The following DST variants were observed in gnomAD, a reference collection of about 807,000 sequenced individuals.
DST encodes bullous pemphigoid antigen.
In DST, 253 loss-of-function variants were observed where a neutral mutation model predicts 875.2. That is an observed-to-expected ratio of 0.29 (90% CI 0.26 to 0.32). The LOEUF (loss-of-function observed/expected upper bound fraction) is 0.32, where lower values mean the gene tolerates loss of function less well. DST is among the 10% of genes least tolerant of loss of function. The probability of loss-of-function intolerance (pLI) is 1.00; values close to 1 mark genes in which losing one functional copy is unlikely to be tolerated. For synonymous variants in DST, 3,124 were observed against 3,197.1 expected (o/e 0.98, Z 0.77); for missense variants, 8,287 against 9,111.6 (o/e 0.91, Z 3.68).
chr6:56,546,364 AT>A (rs1335919536), intron 61 of DST, among the ~76,000 whole-genome samples: 7 of 128,418 alleles, frequency 5.5e-5, no homozygotes, highest in African/African-American at 1.9e-4. Context: ...ATATATATAT[AT>A]ATATATATAT....
chr6:56,676,041 T>C (rs1448875639), intron 9 of DST, among the ~76,000 whole-genome samples: 1 of 151,928 alleles, frequency 6.6e-6, no homozygotes, highest in Non-Finnish European at 1.5e-5. Context: ...ATGGCTAGTC[T>C]CAAAAAAAAG....
In DST at chr6:56,672,448, T is replaced by TGCACATG. The variant is rs1291929197; in HGVS notation, c.1048-1648_1048-1642dup. 3.3e-5 allele frequency among the ~76,000 whole-genome samples: 5 copies of TGCACATG among 152,190 alleles called. No homozygotes were observed. The East Asian group carries it at 9.6e-4, about 29-fold the overall frequency. On this transcript the variant is annotated intron_variant, in intron 9 of 103. Coordinates refer to ENST00000680361, the MANE Select transcript of DST (RefSeq NM_001374736.1). ...AACTCCAGAGCATGGAAAAGAACTCTGCACATGAACACATCATATAGTACA... is the reference window on the plus strand; with the variant it reads ...AACTCCAGAGCATGGAAAAGAACTCTGCACATGGCACATGAACACATCATATAGTACA...
intron 4 of DST, among the ~76,000 whole-genome samples, chr6:56,807,603 T>G (rs890853168): frequency 2.6e-5 from 4 of 152,172 alleles, no homozygotes; most frequent in African/African-American, 9.7e-5. Context: ...GTCAACAGAT[T>G]CTTCCCAGAG....
In DST at chr6:56,569,937, T is replaced by C; in HGVS notation, c.13797A>G (p.Ile4599Met). Residue 4599 changes from isoleucine (I) to methionine (M), a missense_variant, in exon 54 of 104, where the codon ATA (isoleucine) becomes ATG (methionine). Around this residue, in one of 10 missense-constraint regions of DST, gnomAD observed 1,513 missense variants for 1,677.8 expected, o/e 0.90. Coordinates refer to ENST00000680361, the MANE Select transcript of DST (RefSeq NM_001374736.1). ...TGGGAACTTTTTTTGTTGTTTCTTT[T>C]ATCCATGACTTCAATGATTTAACAA... ...QVLVKSLKSW[I>M]KETTKKVPIV... is the part of the protein sequence containing the mutation. The C allele has an allele frequency of 6.8e-6, 11 of 1,610,886 alleles. No homozygotes were observed. Among genetic ancestry groups the C allele is most frequent in the Non-Finnish European group, 9.3e-6 (11 of 1,178,792 alleles).
intron 10 of DST, among the ~76,000 whole-genome samples, chr6:56,664,018 A>T (rs547731698): frequency 6.6e-6 from 1 of 152,060 alleles, no homozygotes; most frequent in East Asian, 1.9e-4. Flanking sequence ...AATGAATGAG[A>T]TAAATTAAAA....
In DST at chr6:56,749,556, T is replaced by A. The variant is rs988316956; in HGVS notation, c.626-14267A>T. Among the ~76,000 whole-genome samples, 5 of 152,300 alleles carry A rather than the reference T, an allele frequency of 3.3e-5. No individual in the cohort carries two copies. In the East Asian group the frequency reaches 9.6e-4, roughly 29 times the overall value. On this transcript the variant is annotated intron_variant, in intron 4 of 103. Transcript: ENST00000680361. ...CCTAATATTCATATAAGAAGTTCCATTTTTCATGAAAAAAAGTGATCTAGA... is the reference window on the plus strand; with the variant it reads ...CCTAATATTCATATAAGAAGTTCCAATTTTCATGAAAAAAAGTGATCTAGA...
intron 61 of DST, among the ~76,000 whole-genome samples, chr6:56,550,957 C>T (rs7760695): frequency 0.74 from 113,001 of 152,042 alleles, 42,164 homozygotes; most frequent in East Asian, 0.8. Flanking sequence ...ATCAGAAATA[C>T]AAAAATTTGA....
At chr6:56,553,956 C>A (rs563628139) in intron 60 of DST, among the ~76,000 whole-genome samples, 1 of 151,962 alleles carries the variant, frequency 6.6e-6, no homozygotes, top group East Asian at 1.9e-4. Flanking sequence ...TGCCACACAT[C>A]GCCTGCTGTG....
chr6:56,687,488 A>G (rs1204900737), intron 9 of DST, among the ~76,000 whole-genome samples: 1 of 152,178 alleles, frequency 6.6e-6, no homozygotes, highest in Non-Finnish European at 1.5e-5. Context: ...TAAAATGAGT[A>G]TAATAATAGA....
intron 68 of DST, among the ~76,000 whole-genome samples, chr6:56,527,123 G>A (rs142461376): frequency 2.4e-4 from 36 of 152,202 alleles, no homozygotes; most frequent in African/African-American, 8.2e-4. Context: ...AGTGTATTAC[G>A]TTTGTGATAT....
chr6:56,814,103 A>G (rs752494174), intron 4 of DST, among the ~76,000 whole-genome samples: 4 of 152,200 alleles, frequency 2.6e-5, no homozygotes, highest in Non-Finnish European at 5.9e-5. Flanking sequence ...ACAAGAAAGC[A>G]GTAATTGTGA....
chr6:56,886,012 C>A (rs34232358), intron 3 of DST, among the ~76,000 whole-genome samples: 21,528 of 152,110 alleles, frequency 0.14, 1,994 homozygotes, highest in Middle Eastern at 0.23. Flanking sequence ...TGTGGAGGAG[C>A]AGCATGGGCT....
At chr6:56,755,609 C>T (rs891688627) in intron 4 of DST, among the ~76,000 whole-genome samples, 1 of 152,010 alleles carries the variant, frequency 6.6e-6, no homozygotes, top group African/African-American at 2.4e-5. Flanking sequence ...ATCCCCTATT[C>T]TTGCTAAACA....
intron 4 of DST, among the ~76,000 whole-genome samples, chr6:56,794,353 C>T (rs1302955719): frequency 6.6e-6 from 1 of 152,166 alleles, no homozygotes; most frequent in African/African-American, 2.4e-5. Context: ...CTCCTGAAAA[C>T]ACATTACGTT....
In DST at chr6:56,789,751, G is replaced by A. The variant is rs549340767; in HGVS notation, c.626-54462C>T. The stretch of plus-strand genomic sequence containing the variant: ...TTTCACTTAGCATTATGTCCTCAAG[G>A]TTCATCCACACTTTAGCATGTGTCC... On this transcript the variant is annotated intron_variant, in intron 4 of 103. Transcript: ENST00000680361. 4.6e-4 allele frequency among the ~76,000 whole-genome samples: 70 copies of A among 152,180 alleles called. 1 individual carries two copies. Among genetic ancestry groups the A allele is most frequent in the African/African-American group, 1.5e-3 (61 of 41,516 alleles).
At chr6:56,725,310 C>G (rs190973421) in intron 5 of DST, among the ~76,000 whole-genome samples, 1 of 152,324 alleles carries the variant, frequency 6.6e-6, no homozygotes, top group East Asian at 1.9e-4. Flanking sequence ...CCCTGTTGAC[C>G]TTCCTATGCA....
intron 86 of DST, among the ~76,000 whole-genome samples, chr6:56,487,633 T>C (rs1336623874): frequency 6.6e-6 from 1 of 152,238 alleles, no homozygotes; most frequent in Non-Finnish European, 1.5e-5. Flanking sequence ...AAACCCATCG[T>C]AAGTTGAGGA....
chr6:56,601,882 T>C lies in DST; in HGVS notation c.11308-206A>G, dbSNP rs575991935. ...TTAAATACCATGGTAGTTAGTATTA[T>C]ATAAAAAGACAAATAATCCCTCTAA... On this transcript the variant is annotated intron_variant, in intron 43 of 103. Transcript: ENST00000680361. 13 of 483,966 alleles carry C rather than the reference T, an allele frequency of 2.7e-5. 1 individual carries two copies. The South Asian group carries it at 3.2e-4, about 12-fold the overall frequency. 30.0% of individuals were successfully genotyped at this position (483,966 alleles called of 1,614,324 possible). A position where few individuals can be genotyped will look rare whatever the true frequency, so the allele number is the denominator to read the frequency against.
At chr6:56,868,019 T>A (rs1399759682) in intron 3 of DST, among the ~76,000 whole-genome samples, 1 of 152,206 alleles carries the variant, frequency 6.6e-6, no homozygotes, top group Non-Finnish European at 1.5e-5. Context: ...GCCTCTTTAA[T>A]ACTCCCATAA....
Sources: gnomAD v4.1 joint callset for allele counts (sites outside exome capture counted in the v4.1 genomes callset) on GRCh38, gnomAD v4.1.1 for gene constraint, gnomAD v4.1.1 regional missense constraint, MANE v1.5 for transcripts, NCBI Gene and HGNC (gene_info 2026-07-23, HGNC 2026-07-21) for gene names.